C1GALT1: variants seen among roughly 807,000 people sequenced by gnomAD.
C1GALT1 encodes glycoprotein-N-acetylgalactosamine 3-beta-galactosyltransferase 1.
A neutral mutation model predicts 31.0 loss-of-function variants in C1GALT1; 11 were observed. The observed-to-expected ratio is 0.36, with a 90% CI of 0.22 to 0.59. C1GALT1 has a LOEUF of 0.59. Among genes scored for constraint, C1GALT1 ranks in the 20% least tolerant of loss-of-function variants. The probability of loss-of-function intolerance (pLI) is 0.79; values close to 1 mark genes in which losing one functional copy is unlikely to be tolerated. For missense variants in C1GALT1, 424 were observed against 425.2 expected (o/e 1.00, Z 0.03); for synonymous variants, 175 against 143.6 (o/e 1.22, Z -1.56).
In C1GALT1 at chr7:7,230,989, C is replaced by G. The variant is rs181704134; in HGVS notation, c.-17-3314C>G. Reference sequence around the variant, plus strand: ...TTTTATGACTCTCCCTTCCTTCCTACATCTCTGAATTTTTATCTGAAATTC... The same window carrying G: ...TTTTATGACTCTCCCTTCCTTCCTAGATCTCTGAATTTTTATCTGAAATTC... On this transcript the variant is annotated intron_variant, in intron 1 of 3. Coordinates refer to ENST00000436587, the MANE Select transcript of C1GALT1 (RefSeq NM_020156.5). Among the ~76,000 whole-genome samples the G allele has an allele frequency of 1.5e-3, 231 of 152,246 alleles. 2 individuals are homozygous for G. In the Middle Eastern group the frequency reaches 0.017, roughly 11 times the overall value.
chr7:7,221,699 TTA>T (rs1782517547), intron 1 of C1GALT1, among the ~76,000 whole-genome samples: 1 of 152,240 alleles, frequency 6.6e-6, no homozygotes, highest in Non-Finnish European at 1.5e-5. Context: ...AAAGTGGTTT[TTA>T]ACTTTCTGTA....
chr7:7,199,369 G>C (rs1445268412), intron 1 of C1GALT1, among the ~76,000 whole-genome samples: 2 of 152,168 alleles, frequency 1.3e-5, no homozygotes, highest in East Asian at 3.9e-4. Context: ...TCTTAATCCT[G>C]AGTTCTAGTT....
chr7:7,222,301 C>T (rs949846051), intron 1 of C1GALT1, among the ~76,000 whole-genome samples: 3 of 152,116 alleles, frequency 2.0e-5, no homozygotes, highest in Admixed American at 6.5e-5. Context: ...ATTTCTGCTC[C>T]TTAATTTTCT....
At chr7:7,199,009 T>G (rs11772803) in intron 1 of C1GALT1, among the ~76,000 whole-genome samples, 27,173 of 152,052 alleles carry the variant, frequency 0.18, 2,937 homozygotes, top group East Asian at 0.36. Context: ...TGATTTTTTT[T>G]GAAGGGTTTT....
At position 7,238,138 on chromosome 7, in the gene C1GALT1, C is replaced by A; in HGVS notation, c.221-117C>A. The A allele has an allele frequency of 9.9e-7, 1 of 1,008,162 alleles. No individual in the cohort carries two copies. The highest frequency in any genetic ancestry group is 1.4e-6 in the Non-Finnish European group (1 of 702,152). The allele number at this position is 1,008,162 out of a possible 1,614,324, so 62.5% of individuals were successfully genotyped here. ...AGTTTGCTTTCCTTTGGCTAAATCA[C>A]TAATAGAGGGATAAATAGGGACTTT... On this transcript the variant is annotated intron_variant, in intron 2 of 3. Coordinates refer to ENST00000436587, the MANE Select transcript of C1GALT1 (RefSeq NM_020156.5). The surrounding 1 kb of genome is among the most constrained non-coding windows in gnomAD (Gnocchi z 5.2).
At chr7:7,215,070 C>T (rs1016759602) in intron 1 of C1GALT1, among the ~76,000 whole-genome samples, 2 of 152,192 alleles carry the variant, frequency 1.3e-5, no homozygotes, top group Non-Finnish European at 2.9e-5. Context: ...AAGACAGCCA[C>T]CATTGTAAAA....
rs78985746 is a variant in C1GALT1 at position 7,168,869 on chromosome 7, C to A, written c.-18+11443C>A. 3.2e-3 allele frequency among the ~76,000 whole-genome samples: 487 copies of A among 152,240 alleles called. 6 individuals are homozygous for A. The highest frequency in any genetic ancestry group is 0.011 in the African/African-American group (460 of 41,538). On this transcript the variant is annotated intron_variant, in intron 2 of 3. Coordinates refer to the C1GALT1 transcript ENST00000429911. ...ATCATTTCTTTTTTTATTATGATAACATATACACAACACAAAGTATGACAT... is the reference window on the plus strand; with the variant it reads ...ATCATTTCTTTTTTTATTATGATAAAATATACACAACACAAAGTATGACAT...
At chr7:7,170,041 G>A (rs1257873563) in intron 2 of C1GALT1, among the ~76,000 whole-genome samples, 4 of 152,098 alleles carry the variant, frequency 2.6e-5, no homozygotes, top group African/African-American at 7.2e-5. Context: ...CCTTGTTGTA[G>A]GTCTAGTGAA....
rs1249585792 is a variant in C1GALT1, at chr7:7,230,241, G to GT, written c.-17-4057dup. On this transcript the variant is annotated intron_variant, in intron 1 of 3. Transcript: ENST00000436587. ...TAATGGGATAAAGACACATGAATGG[G>GT]TTTTTGTATACACTTTTTACTGAAA... Among the ~76,000 whole-genome samples, 22 of 152,218 alleles carry GT rather than the reference G, an allele frequency of 1.4e-4. No homozygotes were observed. In the South Asian group the frequency reaches 3.5e-3, roughly 24 times the overall value.
intron 1 of C1GALT1, among the ~76,000 whole-genome samples, chr7:7,199,458 C>G (rs546787808): frequency 2.9e-4 from 44 of 152,244 alleles, no homozygotes; most frequent in African/African-American, 1.0e-3. Context: ...TTACTTCCAA[C>G]TATGTGGTAA....
chr7:7,238,571 G>A lies in C1GALT1; in HGVS notation c.537G>A (p.Leu179=). 6.2e-7 allele frequency: 1 copy of A among 1,614,064 alleles called. No homozygotes were observed. The highest frequency in any genetic ancestry group is 1.3e-5 in the African/African-American group (1 of 75,038). ...DDDTYVILDN[L]RWLLSKYDPE... ...ACACGTATGTCATACTAGACAATTT[G>A]AGGTGGCTTCTTTCAAAATACGACC... Residue 179 remains leucine, a synonymous_variant, in exon 3 of 4, where the codon TTG becomes TTA. Coordinates refer to ENST00000436587, the MANE Select transcript of C1GALT1 (RefSeq NM_020156.5). This position sits in a 1 kb window ranked among gnomAD's most constrained non-coding sequence, Gnocchi z 5.2.
intron 1 of C1GALT1, among the ~76,000 whole-genome samples, chr7:7,215,821 A>G (rs1189350436): frequency 6.6e-6 from 1 of 152,064 alleles, no homozygotes; most frequent in Non-Finnish European, 1.5e-5. Context: ...GTGTGAGGTT[A>G]AATACCTGAG....
chr7:7,243,759 T>G lies in C1GALT1; in HGVS notation c.*32T>G. 1.4e-6 allele frequency: 2 copies of G among 1,474,092 alleles called. No individual in the cohort carries two copies. Among genetic ancestry groups the G allele is most frequent in the Non-Finnish European group, 1.8e-6 (2 of 1,084,332 alleles). 91.3% of individuals were successfully genotyped at this position (1,474,092 alleles called of 1,614,324 possible). ...ATCATGAATGAACAAAGGTAATATG[T>G]CTAGCACTGCACTGAAAAAGGACTT... On this transcript the variant is annotated 3_prime_UTR_variant, in exon 4 of 4. Coordinates refer to ENST00000436587, the MANE Select transcript of C1GALT1 (RefSeq NM_020156.5).
chr7:7,234,578 T>C, intron 2 of C1GALT1, 39 bp downstream of exon 2: 1 of 1,483,018 alleles, frequency 6.7e-7, no homozygotes. Context: ...ATAAGCAGTA[T>C]TTTAGTCTAA....
chr7:7,197,074 C>T (rs116937498), intron 1 of C1GALT1, among the ~76,000 whole-genome samples: 4,711 of 152,212 alleles, frequency 0.031, 161 homozygotes, highest in African/African-American at 0.085. Flanking sequence ...ATTTTGGCTT[C>T]TGTGCCATTG....
intron 1 of C1GALT1, among the ~76,000 whole-genome samples, chr7:7,205,485 TGTC>T (rs1485403110): frequency 6.6e-6 from 1 of 152,224 alleles, no homozygotes; most frequent in Non-Finnish European, 1.5e-5. Context: ...CCTTCATTCT[TGTC>T]GTCTTCACAT....
intron 1 of C1GALT1, among the ~76,000 whole-genome samples, chr7:7,201,845 C>T (rs1781544168): frequency 1.3e-5 from 2 of 152,204 alleles, no homozygotes; most frequent in South Asian, 4.1e-4. Context: ...CTGTTTGCCT[C>T]CTCCCCCGAT....
At chr7:7,192,530 C>T (rs562854648) in intron 1 of C1GALT1, among the ~76,000 whole-genome samples, 10 of 151,984 alleles carry the variant, frequency 6.6e-5, no homozygotes, top group African/African-American at 2.4e-4. Context: ...ATTATACATA[C>T]CACATTTTCT....
intron 2 of C1GALT1, among the ~76,000 whole-genome samples, chr7:7,170,758 G>C (rs1440929084): frequency 6.6e-6 from 1 of 152,124 alleles, no homozygotes; most frequent in Non-Finnish European, 1.5e-5. Context: ...CTCCAGCCTG[G>C]GTGACAGAGC....
Sources: allele counts gnomAD v4.1 joint callset (sites outside exome capture counted in the v4.1 genomes callset), GRCh38; gene constraint gnomAD v4.1.1; non-coding constraint Gnocchi (gnomAD v3.1); transcripts MANE v1.5; gene names NCBI Gene and HGNC (gene_info 2026-07-23, HGNC 2026-07-21).